Variants in SLC17A1 observed in about 807,000 individuals in gnomAD.
The protein encoded by SLC17A1 is solute carrier family 17 member 1, also known as sodium-dependent phosphate transport protein 1.
A neutral mutation model predicts 53.5 loss-of-function variants in SLC17A1; 51 were observed. The ratio of observed to expected loss-of-function variants is 0.95; its 90% CI spans 0.76 to 1.20. The LOEUF is 1.20. Among genes scored for constraint, SLC17A1 ranks in the 50% most tolerant of loss-of-function variants. SLC17A1 has a pLI of 0.00. For synonymous variants in SLC17A1, 179 were observed against 198.8 expected (o/e 0.90, Z 0.84); for missense variants, 538 against 568.2 (o/e 0.95, Z 0.54).
chr6:25,740,690 T>C, the SLC17A1 span, among the ~76,000 whole-genome samples: 1 of 152,174 alleles, frequency 6.6e-6, no homozygotes, highest in Non-Finnish European at 1.5e-5. Context: ...ATCTCAATTC[T>C]AACACATTAA....
chr6:25,726,516 T>C, the SLC17A1 span: 1 of 1,609,944 alleles, frequency 6.2e-7, no homozygotes, highest in Non-Finnish European at 8.5e-7. Flanking sequence ...CCTGCTTCCC[T>C]CGTCCAGACA....
At chr6:25,812,720 A>G in intron 8 of SLC17A1, 111 bp downstream of exon 8, 1 of 722,346 alleles carries the variant, frequency 1.4e-6, no homozygotes. Context: ...GAAGAGCAGT[A>G]GCCAGATAGT....
At chr6:25,727,342 C>CT in the SLC17A1 span, 1 of 1,471,856 alleles carries the variant, frequency 6.8e-7, no homozygotes, top group Non-Finnish European at 9.1e-7. Flanking sequence ...TTCAGAGCCA[C>CT]TTAAACATAC....
intron 6 of SLC17A1, among the ~76,000 whole-genome samples, chr6:25,817,512 T>A (rs2151497856): frequency 6.6e-6 from 1 of 152,312 alleles, no homozygotes; most frequent in Middle Eastern, 3.4e-3. Flanking sequence ...AAAGCTATTA[T>A]CATAGTACAA....
rs1160507143 is a variant in SLC17A1, at chr6:25,827,255, G to C, written c.35-622C>G. The stretch of plus-strand genomic sequence containing the variant: ...TTTCAACAAATGGCATTTTTTTCAA[G>C]AGAAATACAGGTATATGTCTACAAA... On this transcript the variant is annotated intron_variant, in intron 2 of 12. Coordinates refer to ENST00000244527, the MANE Select transcript of SLC17A1 (RefSeq NM_005074.5). 2.6e-5 allele frequency among the ~76,000 whole-genome samples: 4 copies of C among 151,996 alleles called. No individual in the cohort carries two copies. In the East Asian group the frequency reaches 7.7e-4, roughly 29 times the overall value.
chr6:25,819,292 T>C (rs1180476481), intron 5 of SLC17A1, 138 bp from the exon 6 acceptor site: 3 of 699,044 alleles, frequency 4.3e-6, no homozygotes, highest in African/African-American at 3.6e-5. Context: ...AAGAAAATAA[T>C]AAAAATATTT....
chr6:25,726,312 G>A, the SLC17A1 span: 12 of 1,613,844 alleles, frequency 7.4e-6, no homozygotes, highest in African/African-American at 4.0e-5. Flanking sequence ...TTTTGTTATC[G>A]CGAGACGCAT....
chr6:25,746,732 C>T, the SLC17A1 span, among the ~76,000 whole-genome samples: 1 of 152,118 alleles, frequency 6.6e-6, no homozygotes, highest in East Asian at 1.9e-4. Flanking sequence ...AGTATAATAG[C>T]TAGCTTCTAA....
chr6:25,801,953 T>A (rs1415084450), intron 10 of SLC17A1, among the ~76,000 whole-genome samples: 2 of 152,174 alleles, frequency 1.3e-5, no homozygotes, highest in Non-Finnish European at 2.9e-5. Flanking sequence ...TTTATGGTTA[T>A]GAACATCCAC....
the SLC17A1 span, among the ~76,000 whole-genome samples, chr6:25,728,596 C>T: frequency 6.6e-6 from 1 of 152,126 alleles, no homozygotes; most frequent in Non-Finnish European, 1.5e-5. Context: ...GGGCAGATCA[C>T]GAGGTCAGGA....
the SLC17A1 span, chr6:25,726,478 G>C: frequency 6.2e-7 from 1 of 1,613,638 alleles, no homozygotes; most frequent in Non-Finnish European, 8.5e-7. Context: ...AGAAGAGCGA[G>C]ACTTAGACTT....
At chr6:25,814,714 T>C (rs1425126993) in intron 6 of SLC17A1, among the ~76,000 whole-genome samples, 1 of 152,190 alleles carries the variant, frequency 6.6e-6, no homozygotes, top group Non-Finnish European at 1.5e-5. Context: ...CTGGGCATGG[T>C]GGCTCACGCC....
At chr6:25,729,889 T>G in the SLC17A1 span, among the ~76,000 whole-genome samples, 1 of 152,212 alleles carries the variant, frequency 6.6e-6, no homozygotes, top group African/African-American at 2.4e-5. Flanking sequence ...TTTATTGTAC[T>G]ATTGATTTCT....
the SLC17A1 span, among the ~76,000 whole-genome samples, chr6:25,745,788 G>C: frequency 1.3e-5 from 2 of 152,290 alleles, no homozygotes; most frequent in Non-Finnish European, 2.9e-5. Flanking sequence ...TGATACAGTG[G>C]CTGAAAGGTC....
At chr6:25,770,502 G>T in the SLC17A1 span, 21 of 1,598,646 alleles carry the variant, frequency 1.3e-5, no homozygotes, top group Non-Finnish European at 1.7e-5. Flanking sequence ...CACTTTACAT[G>T]CACTGTCCAG....
chr6:25,734,043 TGACCTCA>T, the SLC17A1 span, among the ~76,000 whole-genome samples: 1 of 152,092 alleles, frequency 6.6e-6, no homozygotes, highest in African/African-American at 2.4e-5. Flanking sequence ...CTCAAACTCC[TGACCTCA>T]GTTGATCCGC....
chr6:25,762,774 A>C, the SLC17A1 span, among the ~76,000 whole-genome samples: 1 of 152,234 alleles, frequency 6.6e-6, no homozygotes, highest in Non-Finnish European at 1.5e-5. Context: ...TGTGCATGTT[A>C]GTACTCAACC....
At chr6:25,827,719 C>T (rs1037256757) in intron 2 of SLC17A1, among the ~76,000 whole-genome samples, 1 of 152,142 alleles carries the variant, frequency 6.6e-6, no homozygotes, top group African/African-American at 2.4e-5. Flanking sequence ...GACCATAATA[C>T]ATCTGCAAAA....
chr6:25,776,517 G>A, the SLC17A1 span: 1 of 1,500,984 alleles, frequency 6.7e-7, no homozygotes, highest in East Asian at 2.3e-5. Flanking sequence ...CACAAATGTG[G>A]ACAGTCTGTC....
Sources: gnomAD v4.1 joint callset for allele counts (sites outside exome capture counted in the v4.1 genomes callset) on GRCh38, gnomAD v4.1.1 for gene constraint, MANE v1.5 for transcripts, NCBI Gene and HGNC (gene_info 2026-07-23, HGNC 2026-07-21) for gene names.